TBXAS1: variants seen among roughly 807,000 people sequenced by gnomAD.
The protein encoded by TBXAS1 is thromboxane-A synthase.
A neutral mutation model predicts 60.7 loss-of-function variants in TBXAS1; 48 were observed. That is an observed-to-expected ratio of 0.79 (90% CI 0.63 to 1.01). The LOEUF is 1.01. Ranked by LOEUF, TBXAS1 falls within the 50% of genes least tolerant of loss-of-function variation. TBXAS1 has a pLI of 0.00. For synonymous variants in TBXAS1, 287 were observed against 269.7 expected, an observed-to-expected ratio of 1.06 and a Z score of -0.63; for missense variants, 685 against 686.3, an observed-to-expected ratio of 1.00 and a Z score of 0.02.
At chr7:139,940,556 T>A (rs1808206512) in intron 5 of TBXAS1, among the ~76,000 whole-genome samples, 1 of 152,096 alleles carries the variant, frequency 6.6e-6, no homozygotes, top group Non-Finnish European at 1.5e-5. Flanking sequence ...AGTGTTCCTG[T>A]TGGTCCCCTC....
chr7:139,986,740 C>CATATAT (rs1177275102), intron 9 of TBXAS1, among the ~76,000 whole-genome samples: 12 of 68,956 alleles, frequency 1.7e-4, no homozygotes, highest in African/African-American at 7.6e-4. Flanking sequence ...TATATATATA[C>CATATAT]ATACATATAT....
At chr7:139,790,219 A>G (rs1410985830) in intron 4 of TBXAS1, among the ~76,000 whole-genome samples, 2 of 152,248 alleles carry the variant, frequency 1.3e-5, no homozygotes, top group African/African-American at 2.4e-5. Flanking sequence ...TGCCTCAGCC[A>G]TAAAGCTGAT....
chr7:139,909,908 G>A (rs377576781), intron 3 of TBXAS1, among the ~76,000 whole-genome samples: 4 of 152,134 alleles, frequency 2.6e-5, no homozygotes, highest in East Asian at 1.9e-4. Flanking sequence ...TTGGTAGTCC[G>A]GCACTCACGG....
At chr7:139,859,036 C>T (rs1251612730) in intron 1 of TBXAS1, among the ~76,000 whole-genome samples, 2 of 151,582 alleles carry the variant, frequency 1.3e-5, no homozygotes, top group East Asian at 2.0e-4. Flanking sequence ...TAACCATGCC[C>T]GGTTAATTTT....
intron 3 of TBXAS1, among the ~76,000 whole-genome samples, chr7:139,904,972 C>T (rs1468835424): frequency 1.3e-5 from 2 of 149,876 alleles, no homozygotes; most frequent in Admixed American, 1.3e-4. Context: ...TCCCTCCCTA[C>T]CTTTCTTTCT....
At position 139,978,509 on chromosome 7, in the gene TBXAS1, C is replaced by CA. The variant is rs550052038; in HGVS notation, c.1134+16287dup. Among the ~76,000 whole-genome samples the CA allele has an allele frequency of 7.5e-3, 883 of 117,250 alleles. 6 individuals are homozygous for CA. The highest frequency in any genetic ancestry group is 0.02 in the South Asian group (77 of 3,816). 76.9% of individuals were successfully genotyped at this position (117,250 alleles called of 152,430 possible). A position where few individuals can be genotyped will look rare whatever the true frequency, so the allele number is the denominator to read the frequency against. ...TGGGTGACAGAGTGAGACTCTGTCT[C>CA]AAAAAAAAAAAGAAAGAAAAAAGAA... On this transcript the variant is annotated intron_variant, in intron 9 of 12. Coordinates refer to ENST00000448866, the MANE Select transcript of TBXAS1 (RefSeq NM_001061.7).
Position 139,833,509 on chromosome 7 carries a change from CAAAAAAAAA to C in TBXAS1, c.89+4048_89+4056del, listed in dbSNP as rs56291914. 3.7e-3 allele frequency among the ~76,000 whole-genome samples: 278 copies of C among 74,414 alleles called. 2 individuals are homozygous for C. The highest frequency in any genetic ancestry group is 8.0e-3 in the African/African-American group (198 of 24,862). 48.8% of individuals were successfully genotyped at this position (74,414 alleles called of 152,430 possible). On this transcript the variant is annotated intron_variant, in intron 1 of 12. Coordinates refer to ENST00000448866, the MANE Select transcript of TBXAS1 (RefSeq NM_001061.7). ...TGAAACCCCGTCTCTACTAAAAATA[CAAAAAAAAA>C]AAAAAAAAAAAAAAAAATTAGAGGG...
chr7:139,906,199 G>A (rs1805066937), intron 3 of TBXAS1: 2 of 243,942 alleles, frequency 8.2e-6, no homozygotes, highest in Non-Finnish European at 1.7e-5. Flanking sequence ...GGCACTACAG[G>A]TATGTGCCAC....
At chr7:139,841,172 C>T (rs958888515) in intron 1 of TBXAS1, among the ~76,000 whole-genome samples, 8 of 152,226 alleles carry the variant, frequency 5.3e-5, no homozygotes, top group African/African-American at 1.9e-4. Context: ...TCATGCCTGA[C>T]TCTTTTCTCT....
chr7:139,800,606 T>C (rs1797696446), intron 4 of TBXAS1, among the ~76,000 whole-genome samples: 1 of 152,232 alleles, frequency 6.6e-6, no homozygotes, highest in Non-Finnish European at 1.5e-5. Flanking sequence ...CCCCCAGACC[T>C]GAAGCTCCGA....
upstream of TBXAS1, among the ~76,000 whole-genome samples, chr7:139,827,297 T>C (rs1389150527): frequency 2.6e-5 from 4 of 152,232 alleles, no homozygotes; most frequent in Non-Finnish European, 5.9e-5. Flanking sequence ...GCTTTTGGTG[T>C]CCATTTGCAT....
chr7:139,820,779 A>C (rs768617039), intron 4 of TBXAS1, among the ~76,000 whole-genome samples: 1 of 152,046 alleles, frequency 6.6e-6, no homozygotes, highest in African/African-American at 2.4e-5. Context: ...TGTTTTCTAC[A>C]TTCTTCATGC....
chr7:139,874,529 G>A (rs1232892101), intron 2 of TBXAS1, among the ~76,000 whole-genome samples: 1 of 152,122 alleles, frequency 6.6e-6, no homozygotes, highest in Admixed American at 6.5e-5. Flanking sequence ...CTTGATATAT[G>A]GCAAGCTTAC....
At chr7:139,965,937 G>C (rs1042503868) in intron 9 of TBXAS1, among the ~76,000 whole-genome samples, 5 of 145,782 alleles carry the variant, frequency 3.4e-5, no homozygotes, top group African/African-American at 1.3e-4. Flanking sequence ...TGGGCCATCT[G>C]TCAGGACATG....
At position 140,004,913 on chromosome 7, in the gene TBXAS1, C is replaced by A. The variant is rs1813951470; in HGVS notation, c.1135-2178C>A. ...GCTGCCAGCCTAGGGCAGGGACGGCCACCACCATGCCAACCCGAGATGCTG... is the reference window on the plus strand; with the variant it reads ...GCTGCCAGCCTAGGGCAGGGACGGCAACCACCATGCCAACCCGAGATGCTG... On this transcript the variant is annotated intron_variant, in intron 9 of 12. Coordinates refer to ENST00000448866, the MANE Select transcript of TBXAS1 (RefSeq NM_001061.7). This position sits in a 1 kb window ranked among gnomAD's most constrained non-coding sequence, Gnocchi z 5.1. Among the ~76,000 whole-genome samples the A allele has an allele frequency of 6.6e-6, 1 of 152,202 alleles. No homozygotes were observed. The highest frequency in any genetic ancestry group is 1.5e-5 in the Non-Finnish European group (1 of 68,032).
intron 9 of TBXAS1, among the ~76,000 whole-genome samples, chr7:139,971,016 G>A (rs1811155907): frequency 6.6e-6 from 1 of 152,094 alleles, no homozygotes; most frequent in Non-Finnish European, 1.5e-5. Context: ...TAGCCAAAGA[G>A]CATGTCTCTG....
chr7:139,909,005 C>T (rs1344386531), intron 3 of TBXAS1, among the ~76,000 whole-genome samples: 1 of 152,144 alleles, frequency 6.6e-6, no homozygotes, highest in African/African-American at 2.4e-5. Flanking sequence ...TTCCTTCTGG[C>T]TTCCATGGTT....
At chr7:139,846,613 G>A (rs993701615) in intron 1 of TBXAS1, among the ~76,000 whole-genome samples, 2 of 152,192 alleles carry the variant, frequency 1.3e-5, no homozygotes, top group Non-Finnish European at 2.9e-5. Flanking sequence ...TGTTTATCTA[G>A]TTATTTTGTA....
At chr7:139,856,077 T>C (rs1444424286) in intron 1 of TBXAS1, among the ~76,000 whole-genome samples, 2 of 152,194 alleles carry the variant, frequency 1.3e-5, no homozygotes, top group Non-Finnish European at 2.9e-5. Flanking sequence ...CAACTTCTTT[T>C]GATGTGCTAA....
Sources: gnomAD v4.1 joint callset for allele counts (sites outside exome capture counted in the v4.1 genomes callset) on GRCh38, gnomAD v4.1.1 for gene constraint, Gnocchi (gnomAD v3.1) non-coding constraint, MANE v1.5 for transcripts, NCBI Gene and HGNC (gene_info 2026-07-23, HGNC 2026-07-21) for gene names.